FUZ: variants seen among roughly 807,000 people sequenced by gnomAD.
The protein encoded by FUZ is protein fuzzy homolog.
A neutral mutation model predicts 43.1 loss-of-function variants in FUZ; 31 were observed. The ratio of observed to expected loss-of-function variants is 0.72; its 90% CI spans 0.54 to 0.97. The LOEUF (loss-of-function observed/expected upper bound fraction) is 0.97. Ranked by LOEUF, FUZ falls within the 50% of genes least tolerant of loss-of-function variation. The probability of loss-of-function intolerance (pLI) is 0.00; values close to 1 mark genes in which losing one functional copy is unlikely to be tolerated. For synonymous variants in FUZ, 274 were observed against 250.0 expected, an observed-to-expected ratio of 1.10 and a Z score of -0.91; for missense variants, 539 against 543.8, an observed-to-expected ratio of 0.99 and a Z score of 0.09.
At chr19:49,810,902 C>T (rs2123823416) in intron 5 of FUZ, 1 of 330,344 alleles carries the variant, frequency 3.0e-6, no homozygotes, top group East Asian at 8.4e-5. Context: ...GTCATCCCAG[C>T]ACTGTGGGAG....
chr19:49,808,403 C>T lies in FUZ; in HGVS notation c.1033+11G>A, dbSNP rs1394766467. ...CGCCTGCGCAGTGGGAGCACTGTGCCTTCCGCTGACCTGGTGGGAAGTGCG... is the reference window on the plus strand; with the variant it reads ...CGCCTGCGCAGTGGGAGCACTGTGCTTTCCGCTGACCTGGTGGGAAGTGCG... On this transcript the variant is annotated intron_variant, in intron 10 of 10. Coordinates refer to ENST00000313777, the MANE Select transcript of FUZ (RefSeq NM_025129.5). 6.2e-7 allele frequency: 1 copy of T among 1,610,234 alleles called. No individual in the cohort carries two copies. The highest frequency in any genetic ancestry group is 2.2e-5 in the East Asian group (1 of 44,770).
In FUZ at chr19:49,813,199, G is replaced by A. The variant is rs1349669703; in HGVS notation, c.-93C>T. The A allele has an allele frequency of 4.4e-6, 5 of 1,145,444 alleles. No individual in the cohort carries two copies. Among genetic ancestry groups the A allele is most frequent in the East Asian group, 2.6e-5 (1 of 39,198 alleles). 71.0% of individuals were successfully genotyped at this position (1,145,444 alleles called of 1,614,324 possible). On this transcript the variant is annotated 5_prime_UTR_variant, in exon 1 of 11. Coordinates refer to ENST00000313777, the MANE Select transcript of FUZ (RefSeq NM_025129.5). ...AGAGTAACTCGGCCTGTGGTCCGGA[G>A]CCGCCAGAGGGCGAGATGGGGAGCT... is the stretch of plus-strand genomic sequence containing the variant.
rs762547837 is a variant in FUZ, at chr19:49,812,227, G to A, written c.318+24C>T. The A allele has an allele frequency of 1.9e-6, 3 of 1,572,428 alleles. No individual in the cohort carries two copies. The Admixed American group carries it at 5.1e-5, about 26-fold the overall frequency. On this transcript the variant is annotated intron_variant, in intron 3 of 10. Coordinates refer to ENST00000313777, the MANE Select transcript of FUZ (RefSeq NM_025129.5). ...AGATCTCAGATTCCTGGTCTGGGGA[G>A]AAAAGAGGACTGGTGAGTCTCACCA...
At chr19:49,812,937 G>T in intron 1 of FUZ, 59 bp downstream of exon 1, 1 of 1,455,332 alleles carries the variant, frequency 6.9e-7, no homozygotes, top group South Asian at 1.2e-5. Context: ...CTGCCTTGAA[G>T]ACCCAGAGTC....
At position 49,807,152 on chromosome 19, in the gene FUZ, C is replaced by CA. The variant is rs755596893; in HGVS notation, c.1255dup (p.Ter419LeufsTer4). 2.5e-6 allele frequency: 4 copies of CA among 1,612,764 alleles called. No individual in the cohort carries two copies. In the African/African-American group the frequency reaches 5.4e-5, roughly 22 times the overall value. On this transcript the variant is annotated frameshift_variant and stop_lost, in exon 11 of 11. Coordinates refer to ENST00000313777, the MANE Select transcript of FUZ (RefSeq NM_025129.5). LOFTEE classifies it high-confidence loss of function. Reference sequence around the variant, plus strand: ...TGTCCATCACCCACTGCTAGGTAGTCAAAGAAGTGGGGTGAGGGCATGCAG... The same window carrying CA: ...TGTCCATCACCCACTGCTAGGTAGTCAAAAGAAGTGGGGTGAGGGCATGCAG...
Position 49,813,212 on chromosome 19 carries a change from G to A in FUZ, c.-106C>T. ...CTGTGGTCCGGAGCCGCCAGAGGGCGAGATGGGGAGCTGATTGGAAGAGGA... is the reference window on the plus strand; with the variant it reads ...CTGTGGTCCGGAGCCGCCAGAGGGCAAGATGGGGAGCTGATTGGAAGAGGA... On this transcript the variant is annotated 5_prime_UTR_variant, in exon 1 of 11. Transcript: ENST00000313777. 1.0e-6 allele frequency: 1 copy of A among 977,414 alleles called. No homozygotes were observed. Among genetic ancestry groups the A allele is most frequent in the Non-Finnish European group, 1.6e-6 (1 of 625,688 alleles). 60.5% of individuals were successfully genotyped at this position (977,414 alleles called of 1,614,324 possible).
Position 49,811,429 on chromosome 19 carries a change from C to G in FUZ, c.426G>C (p.Ser142=). 2 of 1,613,942 alleles carry G rather than the reference C, an allele frequency of 1.2e-6. No homozygotes were observed. The highest frequency in any genetic ancestry group is 1.7e-6 in the Non-Finnish European group (2 of 1,179,924). Residue 142 remains serine, a synonymous_variant, in exon 5 of 11, where the codon TCG becomes TCC. Transcript: ENST00000313777. ...ACTGGGTCAGGTCCCCGATGAGCTC[C>G]GAGTCCCCCAGGAAGCTGTCGATGA... ...YCLIDSFLGD[S]ELIGDLTQCV...
In FUZ at chr19:49,809,667, C is replaced by T. The variant is rs2073659357; in HGVS notation, c.493-92G>A. 1.5e-6 allele frequency: 2 copies of T among 1,341,380 alleles called. No individual in the cohort carries two copies. Among genetic ancestry groups the T allele is most frequent in the African/African-American group, 2.9e-5 (2 of 69,180 alleles). 83.1% of individuals were successfully genotyped at this position (1,341,380 alleles called of 1,614,324 possible). On this transcript the variant is annotated intron_variant, in intron 5 of 10. Coordinates refer to ENST00000313777, the MANE Select transcript of FUZ (RefSeq NM_025129.5). The surrounding 1 kb of genome is among the most constrained non-coding windows in gnomAD (Gnocchi z 5.1). ...GATGGGCAGGGAATGGGGAGAAACC[C>T]ACAGCCAGCCCCGAGCTCGCGCAGT...
At chr19:49,812,529 T>C (rs781265446) in intron 2 of FUZ, 86 bp downstream of exon 2, 117 of 1,580,502 alleles carry the variant, frequency 7.4e-5, no homozygotes, top group Admixed American at 2.2e-4. Flanking sequence ...ACAGCTGCTT[T>C]TAGAGAGCTG....
chr19:49,813,396 C>G (rs1568613242), upstream of FUZ: 1 of 499,128 alleles, frequency 2.0e-6, no homozygotes, highest in South Asian at 2.0e-5. Context: ...CTAGTTTCTC[C>G]GAGGAGGTAA....
In FUZ at chr19:49,808,837, G is replaced by A; in HGVS notation, c.787-14C>T. ...GCGCTCCAGAAGCTGCAGGGGGCGT[G>A]GTCATTGTGAGGTCGTCATGGGAAG... is the stretch of plus-strand genomic sequence containing the variant. On this transcript the variant is annotated splice_polypyrimidine_tract_variant and intron_variant, in intron 7 of 10. Transcript: ENST00000313777. 1.3e-6 allele frequency: 2 copies of A among 1,542,096 alleles called. No homozygotes were observed. Among genetic ancestry groups the A allele is most frequent in the South Asian group, 1.2e-5 (1 of 84,134 alleles).
intron 3 of FUZ, 93 bp downstream of exon 3, chr19:49,812,158 G>A: frequency 1.2e-6 from 1 of 826,696 alleles, no homozygotes; most frequent in Non-Finnish European, 2.1e-6. Flanking sequence ...GAGGAAGGAA[G>A]TGTTGGTGGT....
In FUZ at chr19:49,813,233, G is replaced by A. The variant is rs1286325049; in HGVS notation, c.-127C>T. 1.2e-5 allele frequency: 10 copies of A among 856,142 alleles called. No homozygotes were observed. Among genetic ancestry groups the A allele is most frequent in the Non-Finnish European group, 1.7e-5 (9 of 517,766 alleles). The allele number at this position is 856,142 out of a possible 1,614,324, so 53.0% of individuals were successfully genotyped here. On this transcript the variant is annotated 5_prime_UTR_variant, in exon 1 of 11. Coordinates refer to ENST00000313777, the MANE Select transcript of FUZ (RefSeq NM_025129.5). The stretch of plus-strand genomic sequence containing the variant: ...GGGCGAGATGGGGAGCTGATTGGAA[G>A]AGGATTAACTTCCCGCCTTCTTCAC...
At chr19:49,810,925 G>A (rs1361780061) in intron 5 of FUZ, 2 of 336,408 alleles carry the variant, frequency 5.9e-6, no homozygotes, top group Non-Finnish European at 1.1e-5. Flanking sequence ...CAAGGCAGGT[G>A]GATCACCTGA....
intron 5 of FUZ, 198 bp downstream of exon 5, chr19:49,811,165 G>C (rs1038837835): frequency 1.6e-6 from 1 of 612,882 alleles, no homozygotes; most frequent in Non-Finnish European, 2.9e-6. Context: ...TAAAAAGAGA[G>C]AAAGAAAAGA....
Position 49,806,909 on chromosome 19 carries a change from A to G in FUZ, c.*242T>C. The G allele has an allele frequency of 6.5e-7, 1 of 1,536,114 alleles. No individual in the cohort carries two copies. The highest frequency in any genetic ancestry group is 8.7e-7 in the Non-Finnish European group (1 of 1,147,040). ...CTTTCCTCCGGCCTTTTGTATTTTTATTTTTGTTCATCTGCTGCTGTTTAC... is the reference window on the plus strand; with the variant it reads ...CTTTCCTCCGGCCTTTTGTATTTTTGTTTTTGTTCATCTGCTGCTGTTTAC... On this transcript the variant is annotated 3_prime_UTR_variant, in exon 11 of 11. Coordinates refer to ENST00000313777, the MANE Select transcript of FUZ (RefSeq NM_025129.5).
In FUZ at chr19:49,813,205, A is replaced by G; in HGVS notation, c.-99T>C. 1 of 1,074,272 alleles carries G rather than the reference A, an allele frequency of 9.3e-7. No homozygotes were observed. Among genetic ancestry groups the G allele is most frequent in the Non-Finnish European group, 1.4e-6 (1 of 713,482 alleles). 66.5% of individuals were successfully genotyped at this position (1,074,272 alleles called of 1,614,324 possible). ...ACTCGGCCTGTGGTCCGGAGCCGCC[A>G]GAGGGCGAGATGGGGAGCTGATTGG... On this transcript the variant is annotated 5_prime_UTR_variant, in exon 1 of 11. Transcript: ENST00000313777.
In FUZ at chr19:49,808,706, C is replaced by G; in HGVS notation, c.893+11G>C. The G allele has an allele frequency of 6.3e-7, 1 of 1,597,132 alleles. No homozygotes were observed. ...ATGACCCCCGACCCACTCCCTCCAT[C>G]CGAGCCCTACCCGAGGATGTCTGTG... On this transcript the variant is annotated intron_variant, in intron 8 of 10. Transcript: ENST00000313777.
chr19:49,811,348 T>C lies in FUZ; in HGVS notation c.492+15A>G. On this transcript the variant is annotated intron_variant, in intron 5 of 10. Transcript: ENST00000313777. ...AGCAGAACAGGTGTAAGAGTTTCCA[T>C]AGCATCCCCAGTACCTGCAAGAGGG... 6.4e-7 allele frequency: 1 copy of C among 1,563,200 alleles called. No individual in the cohort carries two copies. Among genetic ancestry groups the C allele is most frequent in the East Asian group, 2.3e-5 (1 of 43,874 alleles).
Sources: gnomAD v4.1 joint callset for allele counts on GRCh38, gnomAD v4.1.1 for gene constraint, Gnocchi (gnomAD v3.1) non-coding constraint, MANE v1.5 for transcripts, NCBI Gene and HGNC (gene_info 2026-07-23, HGNC 2026-07-21) for gene names.